Variants in OVCH1 observed in about 807,000 individuals in gnomAD.
OVCH1 encodes ovochymase-1.
A neutral mutation model predicts 138.4 loss-of-function variants in OVCH1; 139 were observed. That is an observed-to-expected ratio of 1.00 (90% CI 0.87 to 1.16). The LOEUF is 1.16. Among genes scored for constraint, OVCH1 ranks in the 50% most tolerant of loss-of-function variants. The probability of loss-of-function intolerance (pLI) is 0.00; values close to 1 mark genes in which losing one functional copy is unlikely to be tolerated. For missense variants in OVCH1, 1,367 were observed against 1,357.9 expected (o/e 1.01, Z -0.11); for synonymous variants, 453 against 467.8 (o/e 0.97, Z 0.41).
chr12:29,456,676 T>A (rs1043299129), intron 19 of OVCH1, among the ~76,000 whole-genome samples: 2 of 152,228 alleles, frequency 1.3e-5, no homozygotes, highest in Non-Finnish European at 2.9e-5. Context: ...CAGCACCAAA[T>A]ACATGCCCTT....
exon 7 of OVCH1, chr12:29,487,854 C>G (rs1476304074): frequency 1.9e-6 from 3 of 1,612,620 alleles, no homozygotes; most frequent in Non-Finnish European, 2.5e-6. Flanking sequence ...ACCACCTCTT[C>G]TACAAACCAG....
At chr12:29,439,873 C>G (rs1941442909) in intron 25 of OVCH1, among the ~76,000 whole-genome samples, 1 of 152,180 alleles carries the variant, frequency 6.6e-6, no homozygotes, top group African/African-American at 2.4e-5. Context: ...CTATTTATTA[C>G]AAAGGATATA....
At chr12:29,444,956 T>C (rs1941574805) in intron 23 of OVCH1, among the ~76,000 whole-genome samples, 1 of 152,110 alleles carries the variant, frequency 6.6e-6, no homozygotes, top group Non-Finnish European at 1.5e-5. Context: ...CCAAATCTTC[T>C]GAGCCACAAG....
chr12:29,440,687 C>T, intron 25 of OVCH1: 1 of 455,406 alleles, frequency 2.2e-6, no homozygotes, highest in South Asian at 1.6e-5. Flanking sequence ...AAGCTGTGGT[C>T]TTCTTGGTGC....
intron 26 of OVCH1, among the ~76,000 whole-genome samples, chr12:29,436,757 C>T (rs1318532515): frequency 6.6e-6 from 1 of 152,144 alleles, no homozygotes; most frequent in Non-Finnish European, 1.5e-5. Context: ...TTGTTTGTTC[C>T]TCCGGGTGGG....
At chr12:29,425,595 A>G (rs1344621738), downstream of OVCH1, among the ~76,000 whole-genome samples, 1 of 152,294 alleles carries the variant, frequency 6.6e-6, no homozygotes, top group Middle Eastern at 3.4e-3. Context: ...TTTTCTACTT[A>G]TTAGCGATGT....
At chr12:29,432,632 G>A (rs1047476957) in intron 27 of OVCH1, among the ~76,000 whole-genome samples, 2 of 152,146 alleles carry the variant, frequency 1.3e-5, no homozygotes, top group Non-Finnish European at 2.9e-5. Context: ...AGCTGGGACT[G>A]GATATATAAA....
chr12:29,465,173 T>C, exon 17 of OVCH1: 4 of 1,605,086 alleles, frequency 2.5e-6, no homozygotes, highest in Non-Finnish European at 3.4e-6. Flanking sequence ...TTCAGGTTTC[T>C]GTCATGGTCC....
At chr12:29,451,409 A>G in exon 22 of OVCH1, 1 of 1,613,370 alleles carries the variant, frequency 6.2e-7, no homozygotes, top group Non-Finnish European at 8.5e-7. Flanking sequence ...GACACACAGG[A>G]GACCCCAGGA....
At chr12:29,473,408 G>A (rs1446158615) in intron 14 of OVCH1, among the ~76,000 whole-genome samples, 1 of 151,988 alleles carries the variant, frequency 6.6e-6, no homozygotes, top group Non-Finnish European at 1.5e-5. Context: ...TGTTTAGCCT[G>A]AAAAGATATT....
At chr12:29,402,814 G>A in the OVCH1 span, among the ~76,000 whole-genome samples, 1 of 152,076 alleles carries the variant, frequency 6.6e-6, no homozygotes, top group Non-Finnish European at 1.5e-5. Flanking sequence ...AAGGGAACAG[G>A]AGGTGGGGAA....
At chr12:29,467,446 C>T (rs1238975526) in intron 16 of OVCH1, among the ~76,000 whole-genome samples, 1 of 152,134 alleles carries the variant, frequency 6.6e-6, no homozygotes, top group African/African-American at 2.4e-5. Context: ...AGGAACATAG[C>T]TCAAGGTATC....
intron 5 of OVCH1, among the ~76,000 whole-genome samples, chr12:29,490,513 C>G (rs1480129022): frequency 6.6e-6 from 1 of 152,106 alleles, no homozygotes; most frequent in Non-Finnish European, 1.5e-5. Flanking sequence ...AAAATGATTA[C>G]CATAATCATG....
chr12:29,446,959 A>G (rs1158668003), intron 22 of OVCH1, among the ~76,000 whole-genome samples: 2 of 149,486 alleles, frequency 1.3e-5, no homozygotes, highest in Non-Finnish European at 2.9e-5. Context: ...CATTAACATA[A>G]TAAACAACAC....
At chr12:29,454,868 G>C in exon 21 of OVCH1, 1 of 1,611,974 alleles carries the variant, frequency 6.2e-7, no homozygotes, top group Non-Finnish European at 8.5e-7. Flanking sequence ...TCTGGTGAAG[G>C]TGTGGGTGGT....
chr12:29,471,658 C>G, intron 16 of OVCH1, 144 bp downstream of exon 16: 5 of 892,614 alleles, frequency 5.6e-6, no homozygotes, highest in Non-Finnish European at 1.6e-6. Flanking sequence ...TAAATAGTAG[C>G]TAGATGGCTA....
At chr12:29,451,263 C>T (rs1317153288) in intron 22 of OVCH1, 82 bp downstream of exon 22, 1 of 1,099,432 alleles carries the variant, frequency 9.1e-7, no homozygotes, top group Non-Finnish European at 1.3e-6. Context: ...ACATTATTAC[C>T]AAGTCAGACT....
chr12:29,457,066 A>G (rs2135958110), intron 19 of OVCH1, among the ~76,000 whole-genome samples: 1 of 152,340 alleles, frequency 6.6e-6, no homozygotes, highest in East Asian at 1.9e-4. Context: ...AACAGAAGAA[A>G]CCTTAAGTAG....
intron 13 of OVCH1, 26 bp downstream of exon 13, chr12:29,476,180 A>G (rs2136027358): frequency 6.4e-7 from 1 of 1,571,060 alleles, no homozygotes; most frequent in East Asian, 2.2e-5. Flanking sequence ...TAACACTTTC[A>G]TATTTAAAGG....
Sources: gnomAD v4.1 joint callset for allele counts (sites outside exome capture counted in the v4.1 genomes callset) on GRCh38, gnomAD v4.1.1 for gene constraint, MANE v1.5 for transcripts, NCBI Gene and HGNC (gene_info 2026-07-23, HGNC 2026-07-21) for gene names.